LRP1B: variants seen among roughly 807,000 people sequenced by gnomAD.
LRP1B encodes the protein LDL receptor related protein 1B.
A neutral mutation model predicts 556.6 loss-of-function variants in LRP1B; 217 were observed. The ratio of observed to expected loss-of-function variants is 0.39; its 90% CI spans 0.35 to 0.44. The LOEUF (loss-of-function observed/expected upper bound fraction) is 0.44, where lower values mean the gene tolerates loss of function less well. Ranked by LOEUF, LRP1B falls within the 20% of genes least tolerant of loss-of-function variation. The pLI is 1.00. For missense variants in LRP1B, 5,053 were observed against 5,620.8 expected (o/e 0.90, Z 3.23); for synonymous variants, 2,047 against 1,865.8 (o/e 1.10, Z -2.50).
At chr2:140,945,135 T>A (rs755267975) in intron 20 of LRP1B, among the ~76,000 whole-genome samples, 3 of 152,044 alleles carry the variant, frequency 2.0e-5, no homozygotes, top group Non-Finnish European at 4.4e-5. Context: ...AAATCAAGAA[T>A]ACAATCCTAT....
chr2:140,304,654 G>A (rs879153521), intron 83 of LRP1B, among the ~76,000 whole-genome samples: 26 of 152,144 alleles, frequency 1.7e-4, no homozygotes, highest in Non-Finnish European at 2.8e-4. Flanking sequence ...AAGCTCTTGA[G>A]TTTAGTTAGA....
At chr2:141,717,257 A>T (rs969200503) in intron 2 of LRP1B, among the ~76,000 whole-genome samples, 4 of 152,212 alleles carry the variant, frequency 2.6e-5, no homozygotes, top group Non-Finnish European at 5.9e-5. Context: ...ATTCTGTACC[A>T]AGACAGCCCT....
intron 3 of LRP1B, among the ~76,000 whole-genome samples, chr2:141,274,917 A>C (rs1685226833): frequency 6.6e-6 from 1 of 152,210 alleles, no homozygotes; most frequent in African/African-American, 2.4e-5. Flanking sequence ...TTGGACATAT[A>C]AGTCAACCAA....
intron 40 of LRP1B, 91 bp from the exon 41 acceptor site, chr2:140,700,712 T>C (rs2105422722): frequency 1.6e-6 from 2 of 1,287,698 alleles, no homozygotes; most frequent in Non-Finnish European, 2.2e-6. Context: ...ATTAAAACTT[T>C]GATGTTGAAT....
chr2:140,562,841 C>T (rs1174281618), intron 43 of LRP1B, among the ~76,000 whole-genome samples: 1 of 152,006 alleles, frequency 6.6e-6, no homozygotes, highest in Non-Finnish European at 1.5e-5. Context: ...GTCTCCAACT[C>T]CTGGCCTCAA....
intron 7 of LRP1B, among the ~76,000 whole-genome samples, chr2:141,118,471 T>A (rs1397693477): frequency 6.6e-6 from 1 of 151,966 alleles, no homozygotes; most frequent in East Asian, 1.9e-4. Flanking sequence ...AAGAGCTGAC[T>A]TTTTTGTAAA....
At chr2:140,704,039 A>G (rs1470273915) in intron 37 of LRP1B, among the ~76,000 whole-genome samples, 1 of 152,136 alleles carries the variant, frequency 6.6e-6, no homozygotes, top group African/African-American at 2.4e-5. Context: ...GATTATTTGA[A>G]TGGTAGCTCT....
At chr2:141,498,356 CT>C (rs67454706) in intron 2 of LRP1B, among the ~76,000 whole-genome samples, 34,423 of 144,032 alleles carry the variant, frequency 0.24, 4,679 homozygotes, top group East Asian at 0.47. Flanking sequence ...CTTTAAAATC[CT>C]TTTTTTTTTT....
intron 18 of LRP1B, among the ~76,000 whole-genome samples, chr2:140,975,615 A>G (rs1696572251): frequency 6.6e-6 from 1 of 152,190 alleles, no homozygotes. Context: ...ATAGAAACTA[A>G]AAGTCACCAG....
In LRP1B at chr2:140,581,841, T is replaced by C. The variant is rs190370253; in HGVS notation, c.7194+16790A>G. On this transcript the variant is annotated intron_variant, in intron 43 of 90. Coordinates refer to ENST00000389484, the MANE Select transcript of LRP1B (RefSeq NM_018557.3). ...AGGGATATTAAATACCTATTAGCAGTAAACTTAAATTTTCTTTCTGGGTCA... is the reference window on the plus strand; with the variant it reads ...AGGGATATTAAATACCTATTAGCAGCAAACTTAAATTTTCTTTCTGGGTCA... 1.4e-4 allele frequency among the ~76,000 whole-genome samples: 22 copies of C among 152,310 alleles called. No individual in the cohort carries two copies. In the East Asian group the frequency reaches 4.2e-3, roughly 29 times the overall value.
intron 66 of LRP1B, among the ~76,000 whole-genome samples, chr2:140,399,715 G>A (rs1337630655): frequency 6.6e-6 from 1 of 152,122 alleles, no homozygotes; most frequent in Admixed American, 6.6e-5. Flanking sequence ...ATAAGGTCAG[G>A]ATAAGATCTA....
intron 41 of LRP1B, among the ~76,000 whole-genome samples, chr2:140,655,683 C>T (rs1223387992): frequency 6.6e-6 from 1 of 152,216 alleles, no homozygotes; most frequent in East Asian, 1.9e-4. Flanking sequence ...TGGCTCACGC[C>T]TGCAATCCCA....
chr2:141,331,522 C>CTCTTTCTTTCTT lies in LRP1B; in HGVS notation c.344-76893_344-76882dup, dbSNP rs71213744. On this transcript the variant is annotated intron_variant, in intron 3 of 90. Coordinates refer to ENST00000389484, the MANE Select transcript of LRP1B (RefSeq NM_018557.3). ...TCTTTCCTTCTTTCTTTCTTTCTTT[C>CTCTTTCTTTCTT]TCTTTCTTTCTTTCTTTCTTTCTTT... Among the ~76,000 whole-genome samples the CTCTTTCTTTCTT allele has an allele frequency of 2.7e-3, 384 of 140,816 alleles. 1 individual carries two copies. Among genetic ancestry groups the CTCTTTCTTTCTT allele is most frequent in the South Asian group, 8.3e-3 (37 of 4,472 alleles). 92.4% of individuals were successfully genotyped at this position (140,816 alleles called of 152,430 possible).
At chr2:141,108,769 T>C (rs986966572) in intron 7 of LRP1B, among the ~76,000 whole-genome samples, 1 of 152,228 alleles carries the variant, frequency 6.6e-6, no homozygotes, top group African/African-American at 2.4e-5. Flanking sequence ...TGAAGATAGA[T>C]GTTTTGTAAC....
Position 140,840,920 on chromosome 2 carries a change from C to G in LRP1B, c.5112G>C (p.Arg1704Ser), listed in dbSNP as rs2105097216. 6.3e-7 allele frequency: 1 copy of G among 1,598,374 alleles called. No individual in the cohort carries two copies. Among genetic ancestry groups the G allele is most frequent in the Non-Finnish European group, 8.5e-7 (1 of 1,173,148 alleles). The change falls in exon 30 of 91, where the codon AGG (arginine) becomes AGC (serine). Residue 1704 changes from arginine to serine, a missense_variant and splice_region_variant. Transcript: ENST00000389484. ...KPQCLAAHPV[R>S]GKLYWTDGNT... ...TTAAAAAAAAAATCATACTTTACCC[C>G]CTGACTGGGTGAGCTGCAAGACACT...
At chr2:141,923,388 A>G (rs1448813164) in intron 1 of LRP1B, among the ~76,000 whole-genome samples, 1 of 28,534 alleles carries the variant, frequency 3.5e-5, no homozygotes, top group Non-Finnish European at 7.0e-5. Context: ...ATTTTTAATG[A>G]AATTATCTCT....
chr2:140,638,268 A>G (rs573495265), intron 41 of LRP1B, among the ~76,000 whole-genome samples: 13 of 152,316 alleles, frequency 8.5e-5, no homozygotes, highest in Non-Finnish European at 1.8e-4. Context: ...GTTATATGCC[A>G]CTTGTTTACC....
At chr2:140,240,790 A>G (rs551982335) in intron 87 of LRP1B, among the ~76,000 whole-genome samples, 2 of 151,092 alleles carry the variant, frequency 1.3e-5, no homozygotes, top group Middle Eastern at 3.4e-3. Flanking sequence ...CTGAAAGTCT[A>G]TGAATTTTTC....
chr2:140,526,098 T>A, intron 48 of LRP1B, 105 bp from the exon 49 acceptor site: 1 of 1,367,034 alleles, frequency 7.3e-7, no homozygotes, highest in Non-Finnish European at 1.0e-6. Flanking sequence ...TTTGAGGAAA[T>A]AGATACGTAA....
Sources: gnomAD v4.1 joint callset for allele counts (sites outside exome capture counted in the v4.1 genomes callset) on GRCh38, gnomAD v4.1.1 for gene constraint, MANE v1.5 for transcripts, NCBI Gene and HGNC (gene_info 2026-07-23, HGNC 2026-07-21) for gene names.